Variants in ZNF578 observed in about 807,000 individuals in gnomAD.
The protein encoded by ZNF578 is zinc finger protein 578, also known as Putative chemokine-related protein B42.
A neutral mutation model predicts 8.3 loss-of-function variants in ZNF578; 8 were observed. The ratio of observed to expected loss-of-function variants is 0.96; its 90% CI spans 0.56 to 1.74. The LOEUF (loss-of-function observed/expected upper bound fraction) is 1.74. Among genes scored for constraint, ZNF578 ranks in the 40% most tolerant of loss-of-function variants. The pLI is 0.00. For synonymous variants in ZNF578, 206 were observed against 232.2 expected (o/e 0.89, Z 1.03); for missense variants, 726 against 707.5 (o/e 1.03, Z -0.30).
rs7259769 is a variant in ZNF578, at chr19:52,512,734, C to G, written c.*580C>G. ...TCCGAGGTCACTCCTTGCAGAACATCAGAAAATTCATTTTTGAGATAACTG... is the reference window on the plus strand; with the variant it reads ...TCCGAGGTCACTCCTTGCAGAACATGAGAAAATTCATTTTTGAGATAACTG... On this transcript the variant is annotated 3_prime_UTR_variant, in exon 6 of 6. Coordinates refer to ENST00000421239, the MANE Select transcript of ZNF578 (RefSeq NM_001099694.2). 0.19 allele frequency among the ~76,000 whole-genome samples: 28,495 copies of G among 152,136 alleles called. 3,248 individuals carry two copies. The highest frequency in any genetic ancestry group is 0.48 in the East Asian group (2,506 of 5,168).
intron 2 of ZNF578, among the ~76,000 whole-genome samples, chr19:52,472,986 A>G (rs1381867300): frequency 1.3e-5 from 2 of 152,214 alleles, no homozygotes; most frequent in Admixed American, 6.5e-5. Context: ...ATATAAGAGA[A>G]CCAGAGACTG....
intron 2 of ZNF578, among the ~76,000 whole-genome samples, chr19:52,486,059 C>A (rs2059344417): frequency 6.6e-6 from 1 of 152,192 alleles, no homozygotes; most frequent in Non-Finnish European, 1.5e-5. Flanking sequence ...AATGGAATGT[C>A]TCCATGTAAA....
At chr19:52,477,025 C>G (rs937430819) in intron 2 of ZNF578, among the ~76,000 whole-genome samples, 2 of 152,142 alleles carry the variant, frequency 1.3e-5, no homozygotes, top group African/African-American at 4.8e-5. Context: ...ATATATTCTC[C>G]TGGTTCAAAA....
At chr19:52,487,683 T>C (rs1323230815) in intron 2 of ZNF578, among the ~76,000 whole-genome samples, 1 of 152,096 alleles carries the variant, frequency 6.6e-6, no homozygotes, top group Non-Finnish European at 1.5e-5. Context: ...CAGGCTGGAG[T>C]GCAGTGCGTG....
intron 2 of ZNF578, among the ~76,000 whole-genome samples, chr19:52,471,770 T>C (rs1201619375): frequency 1.3e-5 from 2 of 152,104 alleles, no homozygotes; most frequent in Non-Finnish European, 2.9e-5. Flanking sequence ...AAACCTCAGG[T>C]AGACTTTAGA....
chr19:52,489,150 T>G (rs377652147), intron 2 of ZNF578, among the ~76,000 whole-genome samples: 3 of 151,792 alleles, frequency 2.0e-5, no homozygotes, highest in African/African-American at 7.2e-5. Flanking sequence ...GCGTCTGTAG[T>G]CCCATCTACT....
At position 52,492,672 on chromosome 19, in the gene ZNF578, A is replaced by C. The variant is rs556243208; in HGVS notation, c.-20+1247A>C. The stretch of plus-strand genomic sequence containing the variant: ...AACAGAGGAGCTGCCTGCCAGGCCA[A>C]GTGATGCACAGGTCCCGCCCCGGCC... On this transcript the variant is annotated intron_variant, in intron 3 of 5. Transcript: ENST00000421239. Among the ~76,000 whole-genome samples the C allele has an allele frequency of 9.6e-4, 146 of 152,224 alleles. 1 individual carries two copies. Among genetic ancestry groups the C allele is most frequent in the African/African-American group, 3.4e-3 (143 of 41,550 alleles).
chr19:52,467,846 T>C (rs2059280252), intron 2 of ZNF578, among the ~76,000 whole-genome samples: 1 of 152,150 alleles, frequency 6.6e-6, no homozygotes, highest in Admixed American at 6.5e-5. Flanking sequence ...CAAAAAAAGA[T>C]AGAATGCCTA....
chr19:52,459,769 A>ATATTTTTTT (rs1555751349), intron 2 of ZNF578, among the ~76,000 whole-genome samples: 229 of 17,614 alleles, frequency 0.013, 42 homozygotes, highest in Admixed American at 0.033. Flanking sequence ...ATATATATAT[A>ATATTTTTTT]TTTTTTTTTT....
At chr19:52,498,032 C>G (rs764191184) in intron 3 of ZNF578, among the ~76,000 whole-genome samples, 26 of 152,174 alleles carry the variant, frequency 1.7e-4, no homozygotes, top group Non-Finnish European at 3.5e-4. Context: ...TGTGTGTGCA[C>G]ATGGTGTGTT....
intron 3 of ZNF578, among the ~76,000 whole-genome samples, chr19:52,499,689 G>GTTTTTTTTTTTTTTTTTTTTTTTTTTTTT (rs66824085): frequency 4.2e-5 from 6 of 141,598 alleles, no homozygotes; most frequent in African/African-American, 1.6e-4. Context: ...CTTCCAAATC[G>GTTTTTTTTTTTTTTTTTTTTTTTTTTTTT]TTTTTTTTTT....
chr19:52,485,421 C>A (rs2059342085), intron 2 of ZNF578, among the ~76,000 whole-genome samples: 2 of 152,152 alleles, frequency 1.3e-5, no homozygotes, highest in Non-Finnish European at 2.9e-5. Flanking sequence ...CTCAGTAATA[C>A]CTGCAGTGGC....
At chr19:52,463,936 T>A (rs554955893) in intron 2 of ZNF578, among the ~76,000 whole-genome samples, 39 of 152,316 alleles carry the variant, frequency 2.6e-4, no homozygotes, top group Non-Finnish European at 4.3e-4. Context: ...AGTTTTATTT[T>A]TAGGATAATG....
At chr19:52,471,580 ACC>A (rs2059291952) in intron 2 of ZNF578, among the ~76,000 whole-genome samples, 1 of 152,036 alleles carries the variant, frequency 6.6e-6, no homozygotes, top group Non-Finnish European at 1.5e-5. Flanking sequence ...GGGTACTCCA[ACC>A]CCAGCCCTAT....
chr19:52,501,221 C>T (rs1287612912), intron 3 of ZNF578, among the ~76,000 whole-genome samples: 1 of 152,170 alleles, frequency 6.6e-6, no homozygotes, highest in Middle Eastern at 3.2e-3. Context: ...TGTCTGGATC[C>T]TGGTGAGAAC....
At chr19:52,477,734 T>G (rs1673912) in intron 2 of ZNF578, among the ~76,000 whole-genome samples, 13,497 of 152,122 alleles carry the variant, frequency 0.089, 1,015 homozygotes, top group East Asian at 0.33. Flanking sequence ...TCTGAGAAAA[T>G]TTCCCAAGTT....
At chr19:52,510,199 A>G (rs1229888319) in intron 5 of ZNF578, among the ~76,000 whole-genome samples, 2 of 151,632 alleles carry the variant, frequency 1.3e-5, no homozygotes, top group Non-Finnish European at 2.9e-5. Flanking sequence ...TTATTTGTAC[A>G]CAGTAAATAT....
chr19:52,491,843 A>T (rs1238049256), intron 3 of ZNF578, among the ~76,000 whole-genome samples: 6 of 152,212 alleles, frequency 3.9e-5, no homozygotes, highest in Middle Eastern at 3.4e-3. Flanking sequence ...ACCATGAAAA[A>T]TTTTATTTAA....
rs144945536 is a variant in ZNF578, at chr19:52,494,555, T to C, written c.-20+3130T>C. Among the ~76,000 whole-genome samples the C allele has an allele frequency of 1.6e-4, 24 of 152,318 alleles. No homozygotes were observed. In the East Asian group the frequency reaches 4.6e-3, roughly 29 times the overall value. On this transcript the variant is annotated intron_variant, in intron 3 of 5. Transcript: ENST00000421239. ...GATGAGTGTGTGAGTTCATTGGATA[T>C]GATTAGTTGTGACATGTTGACTTCT...
Sources: gnomAD v4.1 joint callset for allele counts (sites outside exome capture counted in the v4.1 genomes callset) on GRCh38, gnomAD v4.1.1 for gene constraint, MANE v1.5 for transcripts, NCBI Gene and HGNC (gene_info 2026-07-23, HGNC 2026-07-21) for gene names.